The following NKX3-2 variants were observed in gnomAD, a reference collection of about 807,000 sequenced individuals.
NKX3-2 encodes homeobox protein Nkx-3.2.
NKX3-2 carries 13 observed loss-of-function variants against 19.4 expected under a neutral mutation model. That is an observed-to-expected ratio of 0.67 (90% CI 0.44 to 1.07). NKX3-2 has a LOEUF of 1.07. Among genes scored for constraint, NKX3-2 ranks in the 50% least tolerant of loss-of-function variants. The pLI, the probability that NKX3-2 is intolerant of heterozygous loss-of-function variation, is 0.00. For missense variants in NKX3-2, 562 were observed against 488.2 expected, an observed-to-expected ratio of 1.15 and a Z score of -1.42; for synonymous variants, 269 against 230.5, an observed-to-expected ratio of 1.17 and a Z score of -1.51.
rs1279119439 is a variant in NKX3-2 at position 13,542,074 on chromosome 4, C to A, written c.921G>T (p.Leu307=). 6.2e-7 allele frequency: 1 copy of A among 1,607,262 alleles called. No homozygotes were observed. The highest frequency in any genetic ancestry group is 1.1e-5 in the South Asian group (1 of 90,358). The change falls in exon 2 of 2, where the codon CTG becomes CTT. Residue 307 remains leucine (L), a synonymous_variant. Coordinates refer to ENST00000382438, the MANE Select transcript of NKX3-2 (RefSeq NM_001189.4). The surrounding 1 kb of genome is among the most constrained non-coding windows in gnomAD (Gnocchi z 6.4). Reference sequence around the variant, plus strand: ...AGTACGGGTAATAGTAGGAGGGCTGCAGTGGCAGAAGCGAGGGTGGCCGCA... The same window carrying A: ...AGTACGGGTAATAGTAGGAGGGCTGAAGTGGCAGAAGCGAGGGTGGCCGCA... The part of the protein sequence containing the change: ...EVLRPPSLLP[L]QPSYYYPYYC...
rs968314493 is a variant in NKX3-2 at position 13,541,435 on chromosome 4, C to G, written c.*558G>C. Reference sequence around the variant, plus strand: ...GGGGTGGAGCAGAGGGCCTGAAAACCCAATCCTTCACGTTTCAAATCAACC... The same window carrying G: ...GGGGTGGAGCAGAGGGCCTGAAAACGCAATCCTTCACGTTTCAAATCAACC... On this transcript the variant is annotated 3_prime_UTR_variant, in exon 2 of 2. Transcript: ENST00000382438. 1 of 152,344 alleles carries G rather than the reference C, an allele frequency of 6.6e-6. No homozygotes were observed. The highest frequency in any genetic ancestry group is 2.4e-5 in the African/African-American group (1 of 41,442). 9.4% of individuals were successfully genotyped at this position (152,344 alleles called of 1,614,324 possible).
upstream of NKX3-2, chr4:13,547,114 T>C (rs1250940535): frequency 4.4e-6 from 2 of 456,228 alleles, no homozygotes; most frequent in Non-Finnish European, 8.8e-6. Context: ...AACTAGAAGC[T>C]GCTCCTAGCA....
upstream of NKX3-2, chr4:13,544,520 G>T: frequency 1.4e-6 from 1 of 708,062 alleles, no homozygotes; most frequent in South Asian, 6.2e-5. Context: ...AGCTGGGTGT[G>T]CGAGGCCGCC....
chr4:13,545,734 GA>G (rs59801828), upstream of NKX3-2, among the ~76,000 whole-genome samples: 10 of 147,752 alleles, frequency 6.8e-5, no homozygotes, highest in Middle Eastern at 3.5e-3. Context: ...GCATCAGGAA[GA>G]AAAAAAAAAC....
At position 13,542,465 on chromosome 4, in the gene NKX3-2, A is replaced by G. The variant is rs1718014805; in HGVS notation, c.530T>C (p.Leu177Pro). Residue 177 changes from leucine (L) to proline (P), a missense_variant, in exon 2 of 2, where the codon CTG becomes CCG. Leu to Pro is a moderately conservative substitution (Grantham distance 98). Coordinates refer to ENST00000382438, the MANE Select transcript of NKX3-2 (RefSeq NM_001189.4). The surrounding 1 kb of genome is among the most constrained non-coding windows in gnomAD (Gnocchi z 6.4). ...GCCCCCGCCGCCGGCCCCGCTGCAC[A>G]GCGCGGACACGTGTGCACCTCTGGG... ...VGPRGAHVSA[L>P]CSGAGGGGGS... is the part of the protein sequence containing the mutation. The G allele has an allele frequency of 4.4e-6, 7 of 1,594,606 alleles. No homozygotes were observed. In the South Asian group the frequency reaches 6.6e-5, roughly 15 times the overall value.
At chr4:13,546,193 C>T (rs762606007), upstream of NKX3-2, 1 of 152,130 alleles carries the variant, frequency 6.6e-6, no homozygotes, top group African/African-American at 2.4e-5. Flanking sequence ...TTTTCTGCAC[C>T]GCAGAAGGAA....
Position 13,544,166 on chromosome 4 carries a change from C to A in NKX3-2, c.249G>T (p.Arg83=). ...SPAGTRTAAG[R]TAESPEGWDS... ...CCCAGCCTTCCGGGCTCTCCGCAGT[C>A]CGCCCCGCAGCTGTTCTGGTACCGG... Residue 83 remains arginine (R), a synonymous_variant, in exon 1 of 2, where the codon CGG becomes CGT. Transcript: ENST00000382438. The A allele has an allele frequency of 6.2e-7, 1 of 1,605,756 alleles. No homozygotes were observed. The highest frequency in any genetic ancestry group is 8.5e-7 in the Non-Finnish European group (1 of 1,178,956).
Position 13,544,341 on chromosome 4 carries a change from C to T in NKX3-2, c.74G>A (p.Gly25Asp), listed in dbSNP as rs776729552. Residue 25 changes from glycine (G) to aspartate (D), a missense_variant, in exon 1 of 2, where the codon GGC (glycine) becomes GAC (aspartate). Physicochemically the swap from Gly to Asp is moderately conservative, Grantham distance 94. Coordinates refer to ENST00000382438, the MANE Select transcript of NKX3-2 (RefSeq NM_001189.4). ...GCGCCCCTCTGGCGCGGCCAGCCCG[C>T]CGCGCTCCTCTTTCTTGTTGAGGAT... The part of the protein sequence containing the change: ...QAILNKKEER[G>D]GLAAPEGRPA... 26 of 1,534,722 alleles carry T rather than the reference C, an allele frequency of 1.7e-5. No homozygotes were observed. The highest frequency in any genetic ancestry group is 4.0e-5 in the Admixed American group (2 of 49,524).
chr4:13,547,089 C>A (rs180950994), upstream of NKX3-2: 1 of 456,240 alleles, frequency 2.2e-6, no homozygotes, highest in East Asian at 7.0e-5. Context: ...GGTGAACTCG[C>A]GGGTCTTGAG....
Position 13,542,478 on chromosome 4 carries a change from G to A in NKX3-2, c.517C>T (p.His173Tyr), listed in dbSNP as rs762376522. The change falls in exon 2 of 2, where the codon CAC (histidine) becomes TAC (tyrosine). Residue 173 changes from histidine to tyrosine, a missense_variant. Coordinates refer to ENST00000382438, the MANE Select transcript of NKX3-2 (RefSeq NM_001189.4). This position sits in a 1 kb window ranked among gnomAD's most constrained non-coding sequence, Gnocchi z 6.4. ...GCCCCGCTGCACAGCGCGGACACGT[G>A]TGCACCTCTGGGGCCAACACCGTCG... Reference protein sequence around the residue: ...EDDGVGPRGAHVSALCSGAGG... With the variant: ...EDDGVGPRGAYVSALCSGAGG... 4 of 1,596,366 alleles carry A rather than the reference G, an allele frequency of 2.5e-6. No homozygotes were observed. Among genetic ancestry groups the A allele is most frequent in the African/African-American group, 1.3e-5 (1 of 74,834 alleles).
chr4:13,545,340 A>G (rs1199868146), upstream of NKX3-2, among the ~76,000 whole-genome samples: 1 of 152,230 alleles, frequency 6.6e-6, no homozygotes, highest in Non-Finnish European at 1.5e-5. Flanking sequence ...CAGAACACTG[A>G]TACTAAGTTG....
upstream of NKX3-2, chr4:13,546,955 G>A (rs140585762): frequency 3.2e-3 from 1,444 of 456,286 alleles, 3 homozygotes; most frequent in Non-Finnish European, 5.0e-3. Flanking sequence ...TACGTTCCGC[G>A]TCTTCCGGAG....
Position 13,544,160 on chromosome 4 carries a change from C to T in NKX3-2, c.255G>A (p.Ala85=), listed in dbSNP as rs758415699. The change falls in exon 1 of 2, where the codon GCG becomes GCA. Residue 85 remains alanine (A), a synonymous_variant. Coordinates refer to ENST00000382438, the MANE Select transcript of NKX3-2 (RefSeq NM_001189.4). ...CCGAGTCCCAGCCTTCCGGGCTCTC[C>T]GCAGTCCGCCCCGCAGCTGTTCTGG... is the stretch of plus-strand genomic sequence containing the variant. The part of the protein sequence containing the change: ...AGTRTAAGRT[A]ESPEGWDSDS... 3.1e-5 allele frequency: 49 copies of T among 1,605,650 alleles called. No individual in the cohort carries two copies. Among genetic ancestry groups the T allele is most frequent in the Non-Finnish European group, 1.7e-5 (20 of 1,178,944 alleles).
chr4:13,547,376 G>T (rs1364406664), upstream of NKX3-2: 55 of 372,358 alleles, frequency 1.5e-4, no homozygotes, highest in Non-Finnish European at 5.4e-5. Flanking sequence ...ACCTCCCGAC[G>T]GGCGCCACGC....
chr4:13,541,770 C>G lies in NKX3-2; in HGVS notation c.*223G>C. ...CCAGGCAGGTGGGCGATCAGGGCCC[C>G]TAGGCCATAGGGTGCCTCTGTTCAA... On this transcript the variant is annotated 3_prime_UTR_variant, in exon 2 of 2. Coordinates refer to ENST00000382438, the MANE Select transcript of NKX3-2 (RefSeq NM_001189.4). 1 of 576,424 alleles carries G rather than the reference C, an allele frequency of 1.7e-6. No homozygotes were observed. 35.7% of individuals were successfully genotyped at this position (576,424 alleles called of 1,614,324 possible).
upstream of NKX3-2, chr4:13,546,884 T>C (rs1448939431): frequency 1.3e-5 from 6 of 455,578 alleles, no homozygotes; most frequent in Middle Eastern, 3.3e-4. Context: ...CATGAAAAGA[T>C]GTGGTTTGGC....
Position 13,542,162 on chromosome 4 carries a change from T to G in NKX3-2, c.833A>C (p.Lys278Thr). The change falls in exon 2 of 2, where the codon AAG becomes ACG. Residue 278 changes from lysine (K) to threonine (T), a missense_variant. Coordinates refer to ENST00000382438, the MANE Select transcript of NKX3-2 (RefSeq NM_001189.4). This position sits in a 1 kb window ranked among gnomAD's most constrained non-coding sequence, Gnocchi z 6.4. ...ADLLASAPAA[K>T]KVAVKVLVRD... is the part of the protein sequence containing the mutation. ...CACCAGCACCTTTACGGCCACCTTCTTGGCGGCGGGCGCCGAGGCCAGCAG... is the reference window on the plus strand; with the variant it reads ...CACCAGCACCTTTACGGCCACCTTCGTGGCGGCGGGCGCCGAGGCCAGCAG... 6.2e-7 allele frequency: 1 copy of G among 1,611,484 alleles called. No individual in the cohort carries two copies. Among genetic ancestry groups the G allele is most frequent in the South Asian group, 1.1e-5 (1 of 90,784 alleles).
chr4:13,546,089 T>A (rs1718127244), upstream of NKX3-2: 3 of 152,262 alleles, frequency 2.0e-5, no homozygotes, highest in Admixed American at 1.3e-4. Flanking sequence ...TTTAAAGGAC[T>A]ATGATTTTAA....
chr4:13,542,548 C>T lies in NKX3-2; in HGVS notation c.467-20G>A. 6.3e-7 allele frequency: 1 copy of T among 1,596,282 alleles called. No individual in the cohort carries two copies. The highest frequency in any genetic ancestry group is 8.5e-7 in the Non-Finnish European group (1 of 1,179,590). On this transcript the variant is annotated intron_variant, in intron 1 of 1. Transcript: ENST00000382438. This position sits in a 1 kb window ranked among gnomAD's most constrained non-coding sequence, Gnocchi z 6.4. ...GGTCGCCTGCGGACCCCGGTGGGAA[C>T]AGAAACAAGAGACTGTCAGCGCCAC...
Sources: gnomAD v4.1 joint callset for allele counts (sites outside exome capture counted in the v4.1 genomes callset) on GRCh38, gnomAD v4.1.1 for gene constraint, Gnocchi (gnomAD v3.1) non-coding constraint, MANE v1.5 for transcripts, NCBI Gene and HGNC (gene_info 2026-07-23, HGNC 2026-07-21) for gene names.